Variants in B4GALNT2 observed in about 807,000 individuals in gnomAD.
B4GALNT2 encodes the protein N-acetylneuraminylgalactosylglucosyl-glucoside beta-1,4-N- acetylgalactosaminyltransferase 2.
In B4GALNT2, 42 loss-of-function variants were observed where a neutral mutation model predicts 51.1. The ratio of observed to expected loss-of-function variants is 0.82; its 90% confidence interval spans 0.64 to 1.06. The LOEUF is 1.06. B4GALNT2 is among the 50% of genes least tolerant of loss of function. B4GALNT2 has a pLI of 0.00. For missense variants in B4GALNT2, 602 were observed against 633.6 expected (o/e 0.95, Z 0.54); for synonymous variants, 253 against 251.7 (o/e 1.01, Z -0.05).
Position 49,162,912 on chromosome 17 carries a change from CAAAAAAAAAAAA to C in B4GALNT2, c.767-1164_767-1153del, listed in dbSNP as rs34568226. Reference sequence around the variant, plus strand: ...TGGGTGACAGAGCCAGAAACTGTCTCAAAAAAAAAAAAAAAAAAAAAAAGGGCAAGAGGGTGG... The same window carrying C: ...TGGGTGACAGAGCCAGAAACTGTCTCAAAAAAAAAAAGGGCAAGAGGGTGG... On this transcript the variant is annotated intron_variant, in intron 7 of 10. Coordinates refer to ENST00000393354, the MANE Select transcript of B4GALNT2 (RefSeq NM_001159387.2). Among the ~76,000 whole-genome samples the C allele has an allele frequency of 1.4e-3, 74 of 53,636 alleles. 3 individuals carry two copies. The highest frequency in any genetic ancestry group is 5.4e-3 in the African/African-American group (64 of 11,826). 35.2% of individuals were successfully genotyped at this position (53,636 alleles called of 152,430 possible).
chr17:49,165,109 C>G (rs951339739), intron 8 of B4GALNT2, among the ~76,000 whole-genome samples: 3 of 152,124 alleles, frequency 2.0e-5, no homozygotes, highest in Admixed American at 6.6e-5. Context: ...CCACTGTACA[C>G]TGCTCCCATC....
chr17:49,148,626 C>T (rs1218062722), intron 3 of B4GALNT2: 20 of 533,622 alleles, frequency 3.7e-5, no homozygotes, highest in East Asian at 7.7e-5. Context: ...CCAGGCAAAC[C>T]GTTCCTGCAC....
the B4GALNT2 span, among the ~76,000 whole-genome samples, chr17:49,126,999 C>T: frequency 5.3e-5 from 8 of 152,252 alleles, no homozygotes; most frequent in East Asian, 3.9e-4. Flanking sequence ...CCACTGTGTC[C>T]GGCCTAAATT....
intron 1 of B4GALNT2, among the ~76,000 whole-genome samples, chr17:49,136,518 GTTTATTTATTTATTTATTTA>G (rs141696525): frequency 2.7e-5 from 4 of 148,314 alleles, no homozygotes; most frequent in African/African-American, 7.5e-5. Context: ...TCACATTAGA[GTTTATTTATTTATTTATTTA>G]TTTATTTATT....
chr17:49,141,935 A>C, intron 2 of B4GALNT2, 100 bp from the exon 3 acceptor site: 1 of 1,476,664 alleles, frequency 6.8e-7, no homozygotes. Context: ...AGGAAAGAAG[A>C]TTTTCAGGGT....
At chr17:49,166,003 G>A (rs1476955164) in intron 8 of B4GALNT2, 111 bp from the exon 9 acceptor site, 1 of 1,263,564 alleles carries the variant, frequency 7.9e-7, no homozygotes, top group African/African-American at 1.5e-5. Flanking sequence ...CAATTCTAAT[G>A]GAATTTGTCT....
At chr17:49,134,267 A>G (rs2042570126) in intron 1 of B4GALNT2, among the ~76,000 whole-genome samples, 1 of 152,258 alleles carries the variant, frequency 6.6e-6, no homozygotes, top group African/African-American at 2.4e-5. Flanking sequence ...ACATAGTGAT[A>G]TTTTGATACA....
chr17:49,127,669 C>T (rs2042517673), upstream of B4GALNT2, among the ~76,000 whole-genome samples: 1 of 152,110 alleles, frequency 6.6e-6, no homozygotes, highest in Non-Finnish European at 1.5e-5. Context: ...GGATTAATGG[C>T]CTTCTGGTGA....
At chr17:49,168,414 C>A (rs534304263) in intron 9 of B4GALNT2, among the ~76,000 whole-genome samples, 24 of 152,200 alleles carry the variant, frequency 1.6e-4, no homozygotes, top group African/African-American at 4.8e-4. Context: ...GGAAAGATAA[C>A]CTTCTTTGGT....
At chr17:49,164,585 T>A (rs2042894676) in intron 8 of B4GALNT2, among the ~76,000 whole-genome samples, 1 of 138,284 alleles carries the variant, frequency 7.2e-6, no homozygotes, top group African/African-American at 2.7e-5. Flanking sequence ...CACTGCAACC[T>A]CCACCTCCTG....
In B4GALNT2 at chr17:49,173,499, A is replaced by G. The variant is rs2042970194; in HGVS notation, c.*3771A>G. The stretch of plus-strand genomic sequence containing the variant: ...ATTTAGTTATTTTAGGGAGAATCCA[A>G]TTAGTTAATTTCAAAAATTGAAACA... On this transcript the variant is annotated 3_prime_UTR_variant, in exon 11 of 11. Coordinates refer to ENST00000393354, the MANE Select transcript of B4GALNT2 (RefSeq NM_001159387.2). The G allele has an allele frequency of 6.6e-6, 1 of 152,232 alleles. No homozygotes were observed. The highest frequency in any genetic ancestry group is 1.5e-5 in the Non-Finnish European group (1 of 68,030). The allele number at this position is 152,232 out of a possible 1,614,324, so 9.4% of individuals were successfully genotyped here.
At chr17:49,167,608 CTT>C (rs34497598) in intron 9 of B4GALNT2, among the ~76,000 whole-genome samples, 12 of 115,056 alleles carry the variant, frequency 1.0e-4, no homozygotes, top group Non-Finnish European at 1.0e-4. Context: ...CTCACCTACT[CTT>C]TTTTTTTTTT....
At position 49,141,372 on chromosome 17, in the gene B4GALNT2, C is replaced by A; in HGVS notation, c.140C>A (p.Pro47His). 1 of 1,614,174 alleles carries A rather than the reference C, an allele frequency of 6.2e-7. No individual in the cohort carries two copies. The highest frequency in any genetic ancestry group is 1.3e-5 in the African/African-American group (1 of 75,052). ...FSSPKPELPS[P>H]APGVQKLKLL... ...AGCCCCAAGCCAGAACTCCCAAGTC[C>A]TGCCCCGGGTGTCCAGAAGCTGAAG... is the stretch of plus-strand genomic sequence containing the variant. The change falls in exon 2 of 11, where the codon CCT becomes CAT. Residue 47 changes from proline (P) to histidine (H), a missense_variant. Pro to His is a moderately conservative substitution (Grantham distance 77). Coordinates refer to ENST00000393354, the MANE Select transcript of B4GALNT2 (RefSeq NM_001159387.2).
At chr17:49,159,307 C>G in intron 6 of B4GALNT2, 90 bp downstream of exon 6, 1 of 1,367,000 alleles carries the variant, frequency 7.3e-7, no homozygotes, top group East Asian at 2.3e-5. Context: ...AGGAAGCCTT[C>G]CTGTTTTTTG....
chr17:49,144,789 C>T (rs985913143), intron 3 of B4GALNT2, among the ~76,000 whole-genome samples: 3 of 151,810 alleles, frequency 2.0e-5, no homozygotes, highest in Non-Finnish European at 2.9e-5. Flanking sequence ...AGAGAGAAAG[C>T]GAGAGAGAGA....
upstream of B4GALNT2, among the ~76,000 whole-genome samples, chr17:49,131,462 GAAAAAAAAA>G (rs367790096): frequency 9.4e-4 from 94 of 100,250 alleles, no homozygotes; most frequent in South Asian, 1.9e-3. Flanking sequence ...CCCAGACTCC[GAAAAAAAAA>G]AAAAAAAAAA....
chr17:49,168,837 G>A lies in B4GALNT2; in HGVS notation c.1252G>A (p.Ala418Thr), dbSNP rs1212601559. The change falls in exon 10 of 11, where the codon GCC becomes ACC. Residue 418 changes from alanine to threonine, a missense_variant. By Grantham distance (58) the Ala-to-Thr change is moderately conservative. Coordinates refer to ENST00000393354, the MANE Select transcript of B4GALNT2 (RefSeq NM_001159387.2). ...VTSGVVNFFL[A>T]HTERLQRVGF... ...CAGTGGCGTGGTCAACTTCTTCCTG[G>A]CCCACACGGAGCGACTCCAAAGAGT... The A allele has an allele frequency of 2.5e-6, 4 of 1,613,554 alleles. No homozygotes were observed. The highest frequency in any genetic ancestry group is 3.4e-6 in the Non-Finnish European group (4 of 1,180,024).
At chr17:49,125,144 G>C in the B4GALNT2 span, among the ~76,000 whole-genome samples, 1 of 151,960 alleles carries the variant, frequency 6.6e-6, no homozygotes, top group Non-Finnish European at 1.5e-5. Context: ...TGGTGAGTTT[G>C]GGATTTTATT....
At chr17:49,151,542 T>C (rs2042753905) in intron 3 of B4GALNT2, among the ~76,000 whole-genome samples, 1 of 151,930 alleles carries the variant, frequency 6.6e-6, no homozygotes, top group Non-Finnish European at 1.5e-5. Context: ...GATCAAGAGA[T>C]CAAGACCATC....
Sources: gnomAD v4.1 joint callset for allele counts (sites outside exome capture counted in the v4.1 genomes callset) on GRCh38, gnomAD v4.1.1 for gene constraint, MANE v1.5 for transcripts, NCBI Gene and HGNC (gene_info 2026-07-23, HGNC 2026-07-21) for gene names.